WDPCP: variants seen among roughly 807,000 people sequenced by gnomAD.
WDPCP encodes WD repeat-containing and planar cell polarity effector protein fritz homolog.
A neutral mutation model predicts 93.1 loss-of-function variants in WDPCP; 71 were observed. The ratio of observed to expected loss-of-function variants is 0.76; its 90% CI spans 0.63 to 0.93. The LOEUF is 0.93. WDPCP is among the 40% of genes least tolerant of loss of function. WDPCP has a pLI of 0.00. For missense variants in WDPCP, 844 were observed against 887.4 expected, an observed-to-expected ratio of 0.95 and a Z score of 0.62; for synonymous variants, 315 against 315.0, an observed-to-expected ratio of 1.00 and a Z score of 0.00.
intron 6 of WDPCP, among the ~76,000 whole-genome samples, chr2:63,458,228 G>GAA (rs59260856): frequency 1.5e-5 from 2 of 136,840 alleles, no homozygotes; most frequent in African/African-American, 5.4e-5. Flanking sequence ...AGTCAGGCAA[G>GAA]AAAAAAAAAA....
intron 17 of WDPCP, among the ~76,000 whole-genome samples, chr2:63,138,379 A>G (rs993273803): frequency 6.6e-6 from 1 of 151,030 alleles, no homozygotes; most frequent in Non-Finnish European, 1.5e-5. Context: ...AGATATTGCT[A>G]TTTTATTTTA....
chr2:63,194,300 A>AAAAG lies in WDPCP; in HGVS notation c.1916-19472_1916-19469dup, dbSNP rs746973874. Among the ~76,000 whole-genome samples, 4 of 151,742 alleles carry AAAAG rather than the reference A, an allele frequency of 2.6e-5. No individual in the cohort carries two copies. The Admixed American group carries it at 2.7e-4, about 10-fold the overall frequency. ...GTTCAATAAGTGTCAGCAGCTTATCAAAAGAAAGAAAGAAAAAAAAATAGT... is the reference window on the plus strand; with the variant it reads ...GTTCAATAAGTGTCAGCAGCTTATCAAAAGAAAGAAAGAAAGAAAAAAAAATAGT... On this transcript the variant is annotated intron_variant, in intron 14 of 17. Transcript: ENST00000272321.
chr2:63,411,578 A>G (rs1051159597), intron 9 of WDPCP, among the ~76,000 whole-genome samples: 1 of 152,180 alleles, frequency 6.6e-6, no homozygotes, highest in African/African-American at 2.4e-5. Flanking sequence ...CAAAAGATAA[A>G]TGCAACAAAA....
chr2:63,528,423 C>G (rs1234935907), intron 1 of WDPCP, among the ~76,000 whole-genome samples: 4 of 152,198 alleles, frequency 2.6e-5, no homozygotes, highest in Admixed American at 2.6e-4. Context: ...CCAGTTTCAG[C>G]TTTCTACATA....
At chr2:63,251,042 T>TAACA (rs1471265467) in intron 14 of WDPCP, among the ~76,000 whole-genome samples, 2 of 152,098 alleles carry the variant, frequency 1.3e-5, no homozygotes, top group African/African-American at 4.8e-5. Context: ...ATTAACAATC[T>TAACA]AACATCACAC....
chr2:63,497,407 T>A (rs988433203), intron 1 of WDPCP, among the ~76,000 whole-genome samples: 1 of 152,080 alleles, frequency 6.6e-6, no homozygotes, highest in Admixed American at 6.5e-5. Flanking sequence ...TCTGTGTGAT[T>A]AAGGAGGGGG....
At chr2:63,471,814 T>G (rs996781707) in intron 6 of WDPCP, among the ~76,000 whole-genome samples, 5 of 152,236 alleles carry the variant, frequency 3.3e-5, no homozygotes, top group Non-Finnish European at 4.4e-5. Flanking sequence ...CTAAGAATCT[T>G]GTTTACTCTA....
At chr2:63,707,819 T>C (rs1337023176) in intron 2 of WDPCP, among the ~76,000 whole-genome samples, 2 of 152,204 alleles carry the variant, frequency 1.3e-5, no homozygotes, top group Non-Finnish European at 2.9e-5. Flanking sequence ...TGGATGTGCT[T>C]TCTGTTTGTT....
intron 14 of WDPCP, among the ~76,000 whole-genome samples, chr2:63,214,788 A>T (rs1405920453): frequency 6.6e-6 from 1 of 152,190 alleles, no homozygotes; most frequent in African/African-American, 2.4e-5. Flanking sequence ...CAGGATACAA[A>T]ATCAATGTGC....
chr2:63,637,836 G>A lies in WDPCP; in HGVS notation n.488+12823C>T, dbSNP rs1356048596. Among the ~76,000 whole-genome samples, 3 of 152,162 alleles carry A rather than the reference G, an allele frequency of 2.0e-5. No individual in the cohort carries two copies. The South Asian group carries it at 6.2e-4, about 32-fold the overall frequency. On this transcript the variant is annotated intron_variant and non_coding_transcript_variant, in intron 3 of 4. Transcript: ENST00000467687. Reference sequence around the variant, plus strand: ...TGAAAACTGTCTCAAATTTTTGGTGGGAATGTAAATTGGTATAGCTACTAT... The same window carrying A: ...TGAAAACTGTCTCAAATTTTTGGTGAGAATGTAAATTGGTATAGCTACTAT...
At chr2:63,325,481 T>C (rs1165100333) in intron 12 of WDPCP, among the ~76,000 whole-genome samples, 1 of 152,060 alleles carries the variant, frequency 6.6e-6, no homozygotes, top group Admixed American at 6.5e-5. Context: ...CCAGGTATGG[T>C]TAACCATTGA....
chr2:63,444,586 A>G (rs1697723240), intron 6 of WDPCP, among the ~76,000 whole-genome samples: 1 of 152,168 alleles, frequency 6.6e-6, no homozygotes, highest in Admixed American at 6.5e-5. Flanking sequence ...ACAGTGTCCT[A>G]TTCCATTGCA....
chr2:63,792,107 T>G (rs1319975608), intron 2 of WDPCP, among the ~76,000 whole-genome samples: 1 of 152,162 alleles, frequency 6.6e-6, no homozygotes, highest in African/African-American at 2.4e-5. Flanking sequence ...TTCAAAACAG[T>G]GTGCTGTGAA....
chr2:63,596,040 T>C (rs1384023679), intron 3 of WDPCP, among the ~76,000 whole-genome samples: 1 of 152,214 alleles, frequency 6.6e-6, no homozygotes, highest in Admixed American at 6.5e-5. Flanking sequence ...CCTTACCATA[T>C]GCTCTATAGT....
At chr2:63,638,670 T>C (rs1709948276) in intron 3 of WDPCP, among the ~76,000 whole-genome samples, 1 of 152,004 alleles carries the variant, frequency 6.6e-6, no homozygotes, top group Admixed American at 6.5e-5. Flanking sequence ...ATGCCTGTAG[T>C]CCTAGCTAAT....
chr2:63,586,367 C>CAT (rs1708844587), intron 1 of WDPCP, among the ~76,000 whole-genome samples: 2 of 152,236 alleles, frequency 1.3e-5, no homozygotes, highest in South Asian at 4.1e-4. Context: ...CCAAATATAG[C>CAT]ATAACAGTTT....
At chr2:63,833,453 T>C in the WDPCP span, among the ~76,000 whole-genome samples, 2 of 152,294 alleles carry the variant, frequency 1.3e-5, no homozygotes, top group South Asian at 2.1e-4. Context: ...CTTTTTCCAA[T>C]GTACTCCTCT....
intron 10 of WDPCP, among the ~76,000 whole-genome samples, chr2:63,389,287 T>C (rs1693012510): frequency 6.6e-6 from 1 of 152,140 alleles, no homozygotes; most frequent in Admixed American, 6.5e-5. Context: ...GAATCTCATA[T>C]CCAGCCAAAC....
At chr2:63,197,717 C>CTCACTTAT in intron 14 of WDPCP, among the ~76,000 whole-genome samples, 2 of 152,114 alleles carry the variant, frequency 1.3e-5, no homozygotes, top group Non-Finnish European at 2.9e-5. Flanking sequence ...TAAGTGAGAA[C>CTCACTTAT]ATGCAATATT....
Sources: gnomAD v4.1 joint callset for allele counts (sites outside exome capture counted in the v4.1 genomes callset) on GRCh38, gnomAD v4.1.1 for gene constraint, MANE v1.5 for transcripts, NCBI Gene and HGNC (gene_info 2026-07-23, HGNC 2026-07-21) for gene names.